The following NR5A2 variants were observed in gnomAD, a reference collection of about 807,000 sequenced individuals.
NR5A2 encodes the protein CYP7A promoter-binding factor.
Under a neutral mutation model 62.7 loss-of-function variants are expected in NR5A2, and 26 were observed. That is an observed-to-expected ratio of 0.41 (90% CI 0.30 to 0.58). The LOEUF is 0.58. Ranked by LOEUF, NR5A2 falls within the 20% of genes least tolerant of loss-of-function variation. NR5A2 has a pLI of 0.22. For synonymous variants in NR5A2, 246 were observed against 241.7 expected, an observed-to-expected ratio of 1.02 and a Z score of -0.16; for missense variants, 541 against 669.1, an observed-to-expected ratio of 0.81 and a Z score of 2.11.
At chr1:200,137,003 T>G (rs1403509916) in intron 7 of NR5A2, among the ~76,000 whole-genome samples, 1 of 152,092 alleles carries the variant, frequency 6.6e-6, no homozygotes, top group Non-Finnish European at 1.5e-5. Flanking sequence ...AGAGCCTCAC[T>G]CTGTTACCCA....
rs11583056 is a variant in NR5A2 at position 200,087,167 on chromosome 1, C to G, written c.1111-24035C>G. On this transcript the variant is annotated intron_variant, in intron 5 of 7. Coordinates refer to ENST00000367362, the MANE Select transcript of NR5A2 (RefSeq NM_205860.3). ...TTTATCTGCCTTGTTGCAGCCCATG[C>G]ATACTCTTCCTCTTCCAATATTCAT... Among the ~76,000 whole-genome samples, 495 of 152,050 alleles carry G rather than the reference C, an allele frequency of 3.3e-3. 2 individuals carry two copies. Among genetic ancestry groups the G allele is most frequent in the Non-Finnish European group, 5.4e-3 (369 of 67,984 alleles).
At chr1:200,130,916 C>T (rs1196446443) in intron 7 of NR5A2, among the ~76,000 whole-genome samples, 2 of 152,144 alleles carry the variant, frequency 1.3e-5, no homozygotes, top group Non-Finnish European at 2.9e-5. Context: ...CAGGGTTCTT[C>T]GTACAATTAG....
At chr1:200,146,227 TAAAG>T (rs144899495) in intron 7 of NR5A2, among the ~76,000 whole-genome samples, 2,740 of 152,312 alleles carry the variant, frequency 0.018, 89 homozygotes, top group African/African-American at 0.057. Context: ...CATTGGTAGA[TAAAG>T]AAATTCATCT....
At chr1:200,159,892 A>G (rs1653563245) in intron 7 of NR5A2, among the ~76,000 whole-genome samples, 1 of 152,150 alleles carries the variant, frequency 6.6e-6, no homozygotes, top group Non-Finnish European at 1.5e-5. Flanking sequence ...ACCTCAGGTA[A>G]TCCTCCCGCC....
intron 5 of NR5A2, among the ~76,000 whole-genome samples, chr1:200,064,944 ATTAT>A (rs905867142): frequency 2.0e-5 from 3 of 151,900 alleles, no homozygotes; most frequent in African/African-American, 7.3e-5. Context: ...TGTTTTAAAA[ATTAT>A]TTATTTATTT....
At chr1:200,106,109 G>A (rs1399419828) in intron 5 of NR5A2, among the ~76,000 whole-genome samples, 1 of 149,782 alleles carries the variant, frequency 6.7e-6, no homozygotes, top group African/African-American at 2.5e-5. Flanking sequence ...CCAGGCTGGA[G>A]GGCAGTGGTG....
intron 5 of NR5A2, among the ~76,000 whole-genome samples, chr1:200,053,126 AAAG>A (rs146206866): frequency 0.052 from 7,967 of 152,258 alleles, 688 homozygotes; most frequent in African/African-American, 0.18. Flanking sequence ...TTGGAATGAA[AAAG>A]AAGAAGTTAC....
intron 5 of NR5A2, among the ~76,000 whole-genome samples, chr1:200,073,166 CAA>C (rs1663817294): frequency 6.7e-6 from 1 of 149,796 alleles, no homozygotes; most frequent in Non-Finnish European, 1.5e-5. Flanking sequence ...AGCCCTGAAC[CAA>C]AAGTCAGGTT....
chr1:200,114,217 GAT>G (rs751507322), intron 6 of NR5A2, among the ~76,000 whole-genome samples: 8 of 61,402 alleles, frequency 1.3e-4, no homozygotes, highest in Non-Finnish European at 2.0e-4. Flanking sequence ...GAAGCTAGAA[GAT>G]ATATATATAT....
chr1:200,103,919 G>A (rs1386555111), intron 5 of NR5A2, among the ~76,000 whole-genome samples: 3 of 152,210 alleles, frequency 2.0e-5, no homozygotes, highest in African/African-American at 7.2e-5. Flanking sequence ...GAGAAGTATG[G>A]AGATGGTGTA....
intron 5 of NR5A2, among the ~76,000 whole-genome samples, chr1:200,092,897 TTTTTG>T (rs1229298463): frequency 2.9e-5 from 4 of 138,402 alleles, no homozygotes; most frequent in East Asian, 4.2e-4. Flanking sequence ...TTTTTTTTTT[TTTTTG>T]AGATGGAGTC....
rs1050525203 is a variant in NR5A2, at chr1:200,175,997, A to G, written c.*1787A>G. On this transcript the variant is annotated 3_prime_UTR_variant, in exon 8 of 8. Transcript: ENST00000367362. ...TTTCACCTTTGTATAAGATATAGCC[A>G]AGACTGAAGAAACCAAATATATGTG... The G allele has an allele frequency of 1.3e-5, 2 of 152,678 alleles. No individual in the cohort carries two copies. Among genetic ancestry groups the G allele is most frequent in the Admixed American group, 6.5e-5 (1 of 15,288 alleles). The allele number at this position is 152,678 out of a possible 1,614,324, so 9.5% of individuals were successfully genotyped here.
rs189912757 is a variant in NR5A2, at chr1:200,084,039, G to A, written c.1111-27163G>A. On this transcript the variant is annotated intron_variant, in intron 5 of 7. Coordinates refer to ENST00000367362, the MANE Select transcript of NR5A2 (RefSeq NM_205860.3). ...AGTTTAAATACCATAGGGTAGGTCA[G>A]ATATTCTTAAGATTCCTTCTTTCAT... Among the ~76,000 whole-genome samples, 647 of 151,400 alleles carry A rather than the reference G, an allele frequency of 4.3e-3. 6 individuals are homozygous for A. Among genetic ancestry groups the A allele is most frequent in the African/African-American group, 0.014 (591 of 41,340 alleles).
Position 200,140,165 on chromosome 1 carries a change from T to C in NR5A2, c.1378+19210T>C, listed in dbSNP as rs538381926. Among the ~76,000 whole-genome samples, 134 of 152,348 alleles carry C rather than the reference T, an allele frequency of 8.8e-4. 1 individual carries two copies. Among genetic ancestry groups the C allele is most frequent in the Middle Eastern group, 3.4e-3 (1 of 294 alleles). Reference sequence around the variant, plus strand: ...TTAGATGTCAGTATTTATTTCTTTATATCATTATTGATAAATTTGTTATAT... The same window carrying C: ...TTAGATGTCAGTATTTATTTCTTTACATCATTATTGATAAATTTGTTATAT... On this transcript the variant is annotated intron_variant, in intron 7 of 7. Transcript: ENST00000367362.
chr1:200,072,446 A>G (rs918814078), intron 5 of NR5A2, among the ~76,000 whole-genome samples: 1 of 152,148 alleles, frequency 6.6e-6, no homozygotes, highest in Admixed American at 6.5e-5. Context: ...ATAATGTGAC[A>G]CCCTTTTAAT....
At chr1:200,053,080 G>C (rs2102177007) in intron 5 of NR5A2, among the ~76,000 whole-genome samples, 1 of 152,160 alleles carries the variant, frequency 6.6e-6, no homozygotes, top group East Asian at 1.9e-4. Flanking sequence ...CATCTACAAG[G>C]TGCAAAAAAA....
intron 7 of NR5A2, among the ~76,000 whole-genome samples, chr1:200,133,534 CATATAT>C (rs748974260): frequency 0.43 from 54,545 of 126,562 alleles, 11,224 homozygotes; most frequent in Middle Eastern, 0.53. Context: ...TATACACACA[CATATAT>C]ATATATACAC....
chr1:200,066,588 C>CTTTTTTTTTT (rs756874909), intron 5 of NR5A2, among the ~76,000 whole-genome samples: 3,432 of 112,832 alleles, frequency 0.03, 641 homozygotes, highest in African/African-American at 0.12. Flanking sequence ...AATTAATTAT[C>CTTTTTTTTTT]TTTTTTTTTT....
intron 7 of NR5A2, among the ~76,000 whole-genome samples, chr1:200,172,964 T>G (rs1015802447): frequency 6.6e-6 from 1 of 152,200 alleles, no homozygotes; most frequent in Admixed American, 6.5e-5. Context: ...ATCTGTCTAT[T>G]TTTTCCAGAG....
Sources: allele counts gnomAD v4.1 joint callset (sites outside exome capture counted in the v4.1 genomes callset), GRCh38; gene constraint gnomAD v4.1.1; transcripts MANE v1.5; gene names NCBI Gene and HGNC (gene_info 2026-07-23, HGNC 2026-07-21).